TSFM: variants seen among roughly 807,000 people sequenced by gnomAD.
TSFM encodes the protein elongation factor Ts, mitochondrial.
In TSFM, 29 loss-of-function variants were observed where a neutral mutation model predicts 33.4. That is an observed-to-expected ratio of 0.87 (90% CI 0.65 to 1.18). The LOEUF (loss-of-function observed/expected upper bound fraction) is 1.18. TSFM is among the 50% of genes most tolerant of loss of function. The pLI is 0.00. For synonymous variants in TSFM, 178 were observed against 163.5 expected (o/e 1.09, Z -0.68); for missense variants, 394 against 395.6 (o/e 1.00, Z 0.04).
intron 4 of TSFM, among the ~76,000 whole-genome samples, chr12:57,789,438 A>C (rs899123363): frequency 6.6e-6 from 1 of 152,162 alleles, no homozygotes; most frequent in Non-Finnish European, 1.5e-5. Flanking sequence ...ATCTCAGCTC[A>C]CTGCAACCTT....
downstream of TSFM, chr12:57,800,219 C>T (rs572882738): frequency 6.2e-5 from 16 of 257,984 alleles, no homozygotes; most frequent in African/African-American, 3.3e-4. Flanking sequence ...GATCACATAC[C>T]TTCTCTTGGT....
chr12:57,784,437 T>C (rs1480957725), intron 2 of TSFM, among the ~76,000 whole-genome samples: 1 of 152,270 alleles, frequency 6.6e-6, no homozygotes, highest in African/African-American at 2.4e-5. Context: ...CTTAGTTTAA[T>C]GTAACATTTT....
At chr12:57,784,070 G>A in intron 2 of TSFM, 1 of 702,744 alleles carries the variant, frequency 1.4e-6, no homozygotes, top group Non-Finnish European at 2.6e-6. Flanking sequence ...ATGGTATATT[G>A]TACTACAACC....
chr12:57,786,951 T>C, intron 3 of TSFM, 89 bp from the exon 4 acceptor site: 1 of 1,404,044 alleles, frequency 7.1e-7, no homozygotes, highest in Non-Finnish European at 9.6e-7. Flanking sequence ...GCTTGTTCTA[T>C]CAGTATCTTG....
At chr12:57,789,683 G>C (rs1265439461) in intron 4 of TSFM, among the ~76,000 whole-genome samples, 2 of 152,156 alleles carry the variant, frequency 1.3e-5, no homozygotes, top group Admixed American at 1.3e-4. Context: ...GTTAGTTTTA[G>C]TAGTTGTCAT....
rs1955748275 is a variant in TSFM at position 57,796,879 on chromosome 12, TATATG to T, written c.*297_*301del. On this transcript the variant is annotated 3_prime_UTR_variant, in exon 6 of 6. Coordinates refer to ENST00000652027, the MANE Select transcript of TSFM (RefSeq NM_005726.6). The stretch of plus-strand genomic sequence containing the variant: ...TATGGTATTTCTGAAATTTCTAACT[TATATG>T]TTCTGTCTTACACCTTTTATGACAT... The T allele has an allele frequency of 9.5e-7, 1 of 1,048,056 alleles. No individual in the cohort carries two copies. Among genetic ancestry groups the T allele is most frequent in the Non-Finnish European group, 1.1e-6 (1 of 872,336 alleles). The allele number at this position is 1,048,056 out of a possible 1,614,324, so 64.9% of individuals were successfully genotyped here. A position where few individuals can be genotyped will look rare whatever the true frequency, so the allele number is the denominator to read the frequency against.
At chr12:57,784,978 C>G (rs1363637803) in intron 2 of TSFM, among the ~76,000 whole-genome samples, 2 of 124,876 alleles carry the variant, frequency 1.6e-5, no homozygotes, top group Non-Finnish European at 3.2e-5. Flanking sequence ...CCAGGCTGGA[C>G]TGCAGTGGCA....
At chr12:57,791,386 G>A (rs1955660525) in intron 4 of TSFM, among the ~76,000 whole-genome samples, 1 of 152,118 alleles carries the variant, frequency 6.6e-6, no homozygotes, top group South Asian at 2.1e-4. Context: ...CAAAAAAAAA[G>A]TATGCTCAGA....
At chr12:57,800,031 T>C, downstream of TSFM, 1 of 1,371,176 alleles carries the variant, frequency 7.3e-7, no homozygotes, top group Non-Finnish European at 1.0e-6. Context: ...CTTCACCCTC[T>C]GTAATCATCT....
At chr12:57,802,024 G>A (rs1054950534), downstream of TSFM, 2 of 992,516 alleles carry the variant, frequency 2.0e-6, no homozygotes, top group Non-Finnish European at 2.9e-6. Flanking sequence ...AAAGTAAAAG[G>A]CAGGGAGTGG....
In TSFM at chr12:57,783,194, G is replaced by GAGCTCCTCATGA; in HGVS notation, c.147_158dup (p.Leu50_Leu53dup). 1.2e-6 allele frequency: 2 copies of GAGCTCCTCATGA among 1,613,774 alleles called. No homozygotes were observed. The highest frequency in any genetic ancestry group is 1.7e-6 in the Non-Finnish European group (2 of 1,179,896). On this transcript the variant is annotated inframe_insertion, in exon 2 of 6. Coordinates refer to ENST00000652027, the MANE Select transcript of TSFM (RefSeq NM_005726.6). Reference sequence around the variant, plus strand: ...TCTGTCTGCCTCGGCCTCCAGCAAGGAGCTCCTCATGAAGCTGCGGCGGAA... The same window carrying GAGCTCCTCATGA: ...TCTGTCTGCCTCGGCCTCCAGCAAGGAGCTCCTCATGAAGCTCCTCATGAAGCTGCGGCGGAA...
chr12:57,791,768 G>A (rs1020853159), intron 4 of TSFM, among the ~76,000 whole-genome samples: 3 of 152,156 alleles, frequency 2.0e-5, no homozygotes, highest in Admixed American at 6.5e-5. Flanking sequence ...ATAATCTTGT[G>A]CAGTATTATT....
At chr12:57,795,095 A>AT (rs1314541194) in intron 5 of TSFM, among the ~76,000 whole-genome samples, 4 of 136,044 alleles carry the variant, frequency 2.9e-5, no homozygotes, top group South Asian at 4.7e-4. Flanking sequence ...ATATGTATAT[A>AT]TATATATAAA....
At chr12:57,784,224 TAAAA>T (rs1183279733) in intron 2 of TSFM, 3 of 676,380 alleles carry the variant, frequency 4.4e-6, no homozygotes, top group Non-Finnish European at 8.0e-6. Flanking sequence ...GCATAAAAGA[TAAAA>T]AACGATACAT....
chr12:57,782,868 C>T lies in TSFM; in HGVS notation c.57+10C>T. The T allele has an allele frequency of 6.3e-7, 1 of 1,590,334 alleles. No individual in the cohort carries two copies. Among genetic ancestry groups the T allele is most frequent in the Non-Finnish European group, 8.6e-7 (1 of 1,169,132 alleles). On this transcript the variant is annotated intron_variant, in intron 1 of 5. Coordinates refer to ENST00000652027, the MANE Select transcript of TSFM (RefSeq NM_005726.6). ...GACCGGGAGCTACCCGGTGAGAAGT[C>T]CTGGTGCTGGTACCGACCTGCTGTC...
intron 4 of TSFM, among the ~76,000 whole-genome samples, chr12:57,787,941 G>A (rs1463549057): frequency 1.3e-5 from 2 of 151,936 alleles, no homozygotes; most frequent in East Asian, 1.9e-4. Context: ...GAGAGAGATT[G>A]GAAAAGACAT....
chr12:57,784,294 GAGTC>G (rs1489964912), intron 2 of TSFM: 19 of 599,984 alleles, frequency 3.2e-5, no homozygotes, highest in Non-Finnish European at 5.6e-5. Context: ...TGCTCTGGGT[GAGTC>G]AGTGAGTGGT....
At chr12:57,787,361 T>C (rs1014147555) in intron 4 of TSFM, among the ~76,000 whole-genome samples, 199 bp downstream of exon 4, 1 of 152,206 alleles carries the variant, frequency 6.6e-6, no homozygotes, top group African/African-American at 2.4e-5. Flanking sequence ...ATTATGGTGC[T>C]TATATATTAC....
At chr12:57,802,733 C>G, downstream of TSFM, 1 of 597,318 alleles carries the variant, frequency 1.7e-6, no homozygotes, top group Non-Finnish European at 3.0e-6. Context: ...TATCTAGTCA[C>G]CTAAGGCAGA....
Sources: allele counts gnomAD v4.1 joint callset (sites outside exome capture counted in the v4.1 genomes callset), GRCh38; gene constraint gnomAD v4.1.1; transcripts MANE v1.5; gene names NCBI Gene and HGNC (gene_info 2026-07-23, HGNC 2026-07-21).